The following SLC17A9 variants were observed in gnomAD, a reference collection of about 807,000 sequenced individuals.
The protein encoded by SLC17A9 is voltage-gated purine nucleotide uniporter SLC17A9.
A neutral mutation model predicts 55.0 loss-of-function variants in SLC17A9; 49 were observed. The ratio of observed to expected loss-of-function variants is 0.89; its 90% CI spans 0.71 to 1.13. SLC17A9 has a LOEUF of 1.13. Among genes scored for constraint, SLC17A9 ranks in the 50% most tolerant of loss-of-function variants. The pLI is 0.00. For missense variants in SLC17A9, 526 were observed against 569.3 expected (o/e 0.92, Z 0.77); for synonymous variants, 256 against 247.4 (o/e 1.03, Z -0.32).
intron 3 of SLC17A9, 36 bp from the exon 4 acceptor site, chr20:62,960,468 A>T: frequency 6.3e-7 from 1 of 1,591,056 alleles, no homozygotes. Context: ...GCCTCCCTGG[A>T]TGGACCCTGA....
intron 1 of SLC17A9, among the ~76,000 whole-genome samples, chr20:62,956,560 G>T (rs1300905956): frequency 1.3e-5 from 2 of 152,190 alleles, no homozygotes; most frequent in Non-Finnish European, 2.9e-5. Context: ...GAGCCACTGT[G>T]CCTCATTTCT....
At chr20:62,952,939 G>A (rs1294902333) in intron 1 of SLC17A9, 50 bp downstream of exon 1, 12 of 1,429,854 alleles carry the variant, frequency 8.4e-6, no homozygotes, top group East Asian at 5.0e-5. Context: ...AGATGGGGCC[G>A]TGGGGAGGGA....
At chr20:62,954,067 G>T (rs897658294) in intron 1 of SLC17A9, among the ~76,000 whole-genome samples, 5 of 141,028 alleles carry the variant, frequency 3.5e-5, no homozygotes, top group Non-Finnish European at 7.7e-5. Flanking sequence ...TTAAAAAGGA[G>T]CCCTTGCCGC....
rs1248188734 is a variant in SLC17A9 at position 62,967,826 on chromosome 20, T to A, written c.*326T>A. 2.1e-5 allele frequency: 5 copies of A among 236,810 alleles called. No homozygotes were observed. 14.7% of individuals were successfully genotyped at this position (236,810 alleles called of 1,614,324 possible). On this transcript the variant is annotated 3_prime_UTR_variant, in exon 13 of 13. Transcript: ENST00000370351. ...AGGCGCAGCCTCATTCCCACCACGA[T>A]CTGTTCCGCGTGGTTCCCGCCAAAC...
rs75827645 is a variant in SLC17A9, at chr20:62,964,572, G to C, written c.910+257G>C. The stretch of plus-strand genomic sequence containing the variant: ...TGACCCTCCAGGAAGGCACCTGGAG[G>C]GGTCAGAGGTTACAAGCATCCTTGA... On this transcript the variant is annotated intron_variant, in intron 8 of 12. Coordinates refer to ENST00000370351, the MANE Select transcript of SLC17A9 (RefSeq NM_022082.4). Among the ~76,000 whole-genome samples the C allele has an allele frequency of 1.1e-4, 16 of 152,298 alleles. No individual in the cohort carries two copies. In the East Asian group the frequency reaches 3.1e-3, roughly 30 times the overall value.
In SLC17A9 at chr20:62,958,348, G is replaced by C. The variant is rs565539264; in HGVS notation, c.397+768G>C. Reference sequence around the variant, plus strand: ...GGGACTCTGGGTTTTGTGCATTTTGGTCACACGTATGCTGATGATGCCTCC... The same window carrying C: ...GGGACTCTGGGTTTTGTGCATTTTGCTCACACGTATGCTGATGATGCCTCC... On this transcript the variant is annotated intron_variant, in intron 3 of 12. Transcript: ENST00000370351. The surrounding 1 kb of genome is among the most constrained non-coding windows in gnomAD (Gnocchi z 4.1). Among the ~76,000 whole-genome samples, 3 of 152,082 alleles carry C rather than the reference G, an allele frequency of 2.0e-5. No individual in the cohort carries two copies. The highest frequency in any genetic ancestry group is 7.2e-5 in the African/African-American group (3 of 41,500).
At position 62,958,141 on chromosome 20, in the gene SLC17A9, G is replaced by A. The variant is rs371594621; in HGVS notation, c.397+561G>A. 1.8e-4 allele frequency among the ~76,000 whole-genome samples: 27 copies of A among 152,278 alleles called. 1 individual carries two copies. The highest frequency in any genetic ancestry group is 1.2e-3 in the East Asian group (6 of 5,166). On this transcript the variant is annotated intron_variant, in intron 3 of 12. Coordinates refer to ENST00000370351, the MANE Select transcript of SLC17A9 (RefSeq NM_022082.4). The surrounding 1 kb of genome is among the most constrained non-coding windows in gnomAD (Gnocchi z 4.1). ...TGCGTGCCCATATGCGTGTGTACGT[G>A]CGTGAGTGTGCCCGTATGAGGGTGT...
intron 1 of SLC17A9, among the ~76,000 whole-genome samples, chr20:62,956,256 A>G (rs2065536017): frequency 6.6e-6 from 1 of 152,204 alleles, no homozygotes; most frequent in Non-Finnish European, 1.5e-5. Context: ...AGTGCCGAGA[A>G]GGCCGTATAC....
In SLC17A9 at chr20:62,962,448, C is replaced by T. The variant is rs917161357; in HGVS notation, c.498-176C>T. The T allele has an allele frequency of 5.6e-6, 4 of 708,754 alleles. No individual in the cohort carries two copies. Among genetic ancestry groups the T allele is most frequent in the Middle Eastern group, 4.4e-4 (1 of 2,278 alleles). 43.9% of individuals were successfully genotyped at this position (708,754 alleles called of 1,614,324 possible). A position where few individuals can be genotyped will look rare whatever the true frequency, so the allele number is the denominator to read the frequency against. On this transcript the variant is annotated intron_variant, in intron 4 of 12. Transcript: ENST00000370351. The surrounding 1 kb of genome is among the most constrained non-coding windows in gnomAD (Gnocchi z 5.5). Reference sequence around the variant, plus strand: ...GTGCCCGGAGTCTCCCCTGAGTACCCGAAGTCCTTAACAAAACAGGCCAGG... The same window carrying T: ...GTGCCCGGAGTCTCCCCTGAGTACCTGAAGTCCTTAACAAAACAGGCCAGG...
chr20:62,957,726 G>C, intron 3 of SLC17A9, 146 bp downstream of exon 3: 1 of 633,218 alleles, frequency 1.6e-6, no homozygotes, highest in Non-Finnish European at 2.4e-6. Context: ...GTGCATGCGT[G>C]CACCTGTGTG....
chr20:62,952,973 G>T (rs1321527494), intron 1 of SLC17A9, 84 bp downstream of exon 1: 4 of 1,374,822 alleles, frequency 2.9e-6, no homozygotes. Context: ...CACGTGGGAC[G>T]ATGCTAGGTG....
intron 10 of SLC17A9, 102 bp from the exon 11 acceptor site, chr20:62,966,423 G>A (rs1400716086): frequency 1.1e-5 from 15 of 1,328,440 alleles, no homozygotes; most frequent in South Asian, 3.9e-5. Flanking sequence ...AGCCCCTCCC[G>A]TGGCTCCACG....
chr20:62,962,813 C>A lies in SLC17A9; in HGVS notation c.628+59C>A. 6.3e-7 allele frequency: 1 copy of A among 1,596,512 alleles called. No homozygotes were observed. The highest frequency in any genetic ancestry group is 1.1e-5 in the South Asian group (1 of 89,236). The stretch of plus-strand genomic sequence containing the variant: ...CCACAGCTGCCCAGTGCCTCCTCCC[C>A]TGGTGGCAGCCGCTGAGCAGCCTGG... On this transcript the variant is annotated intron_variant, in intron 5 of 12. Transcript: ENST00000370351. This position sits in a 1 kb window ranked among gnomAD's most constrained non-coding sequence, Gnocchi z 5.5.
In SLC17A9 at chr20:62,962,636, C is replaced by G; in HGVS notation, c.510C>G (p.Thr170=). The change falls in exon 5 of 13, where the codon ACC becomes ACG. Residue 170 remains threonine (T), a synonymous_variant. Coordinates refer to ENST00000370351, the MANE Select transcript of SLC17A9 (RefSeq NM_022082.4). This position sits in a 1 kb window ranked among gnomAD's most constrained non-coding sequence, Gnocchi z 5.5. ...CCTGTCTTTGCAGGACGCTGCTGAC[C>G]GGGGCGGTGGGCTCCCTGCTCCTGG... is the stretch of plus-strand genomic sequence containing the variant. ...GAGSQFGTLL[T]GAVGSLLLEW... 6.2e-7 allele frequency: 1 copy of G among 1,613,892 alleles called. No individual in the cohort carries two copies. Among genetic ancestry groups the G allele is most frequent in the African/African-American group, 1.3e-5 (1 of 75,056 alleles).
chr20:62,965,647 G>A lies in SLC17A9; in HGVS notation c.983G>A (p.Cys328Tyr), dbSNP rs1189467578. 6.2e-7 allele frequency: 1 copy of A among 1,613,880 alleles called. No individual in the cohort carries two copies. Among genetic ancestry groups the A allele is most frequent in the South Asian group, 1.1e-5 (1 of 91,082 alleles). The change falls in exon 10 of 13, where the codon TGC (cysteine) becomes TAC (tyrosine). Residue 328 changes from cysteine (C) to tyrosine (Y), a missense_variant. Transcript: ENST00000370351. ...GLGLSSVFALCLGHTSSFCES... is the reference protein window; with the variant it reads ...GLGLSSVFALYLGHTSSFCES... ...GGCCTCTCCAGCGTCTTTGCTCTGT[G>A]CCTGGGCCACACCTCCAGCTTCTGT...
At chr20:62,953,351 G>A in intron 1 of SLC17A9, 1 of 1,481,558 alleles carries the variant, frequency 6.7e-7, no homozygotes, top group Admixed American at 2.0e-5. Flanking sequence ...GTGTGCTGAG[G>A]ACGAGCTCCC....
At position 62,967,474 on chromosome 20, in the gene SLC17A9, C is replaced by G. The variant is rs945802008; in HGVS notation, c.1285C>G (p.Leu429Val). 1 of 1,613,990 alleles carries G rather than the reference C, an allele frequency of 6.2e-7. No homozygotes were observed. Among genetic ancestry groups the G allele is most frequent in the Non-Finnish European group, 8.5e-7 (1 of 1,179,984 alleles). The change falls in exon 13 of 13, where the codon CTG (leucine) becomes GTG (valine). Residue 429 changes from leucine (L) to valine (V), a missense_variant. By Grantham distance (32) the Leu-to-Val change is conservative. Coordinates refer to ENST00000370351, the MANE Select transcript of SLC17A9 (RefSeq NM_022082.4). ...LVFGQAQRVD[L>V]SSTHEDL Reference sequence around the variant, plus strand: ...GTTTGGACAGGCTCAGAGGGTGGACCTGAGCTCTACCCATGAGGACCTCTA... The same window carrying G: ...GTTTGGACAGGCTCAGAGGGTGGACGTGAGCTCTACCCATGAGGACCTCTA...
chr20:62,967,273 A>G, intron 12 of SLC17A9, 64 bp from the exon 13 acceptor site: 1 of 1,591,528 alleles, frequency 6.3e-7, no homozygotes, highest in South Asian at 1.1e-5. Flanking sequence ...CTTGGGAACC[A>G]GGGTGGGGTG....
At chr20:62,966,964 G>A in intron 12 of SLC17A9, 2 of 597,672 alleles carry the variant, frequency 3.3e-6, no homozygotes, top group Non-Finnish European at 5.8e-6. Flanking sequence ...TCACAGATAT[G>A]TTCCCATCCT....
Sources: gnomAD v4.1 joint callset for allele counts (sites outside exome capture counted in the v4.1 genomes callset) on GRCh38, gnomAD v4.1.1 for gene constraint, Gnocchi (gnomAD v3.1) non-coding constraint, MANE v1.5 for transcripts, NCBI Gene and HGNC (gene_info 2026-07-23, HGNC 2026-07-21) for gene names.